The following UNC13B variants were observed in gnomAD, a reference collection of about 807,000 sequenced individuals.
UNC13B encodes the protein protein unc-13 homolog B.
UNC13B carries 144 observed loss-of-function variants against 211.0 expected under a neutral mutation model. That is an observed-to-expected ratio of 0.68 (90% CI 0.60 to 0.78). The LOEUF (loss-of-function observed/expected upper bound fraction) is 0.78. UNC13B is among the 30% of genes least tolerant of loss of function. The pLI, the probability that UNC13B is intolerant of heterozygous loss-of-function variation, is 0.00. For synonymous variants in UNC13B, 709 were observed against 725.8 expected (o/e 0.98, Z 0.37); for missense variants, 1,777 against 2,002.0 (o/e 0.89, Z 2.14).
intron 11 of UNC13B, among the ~76,000 whole-genome samples, chr9:35,357,578 G>GT (rs201402392): frequency 0.011 from 1,317 of 117,494 alleles, 8 homozygotes; most frequent in Middle Eastern, 0.018. Flanking sequence ...TTTTTTTATT[G>GT]TTTTTTTTTT....
intron 6 of UNC13B, among the ~76,000 whole-genome samples, chr9:35,249,108 A>G (rs949677870): frequency 2.6e-5 from 4 of 152,132 alleles, no homozygotes; most frequent in Admixed American, 2.6e-4. Flanking sequence ...CCCATTATGT[A>G]ATGGCCTTCT....
intron 1 of UNC13B, among the ~76,000 whole-genome samples, chr9:35,199,836 T>G (rs919740597): frequency 2.0e-5 from 3 of 152,020 alleles, no homozygotes; most frequent in African/African-American, 7.2e-5. Context: ...CAGAAGCTCT[T>G]TAGTTTAATT....
chr9:35,353,079 C>G, intron 11 of UNC13B: 2 of 1,232,198 alleles, frequency 1.6e-6, no homozygotes, highest in Non-Finnish European at 2.0e-6. Context: ...AGAAGGCTTG[C>G]AGCTCTGAGC....
chr9:35,315,234 T>A (rs1830392093), intron 11 of UNC13B, among the ~76,000 whole-genome samples: 1 of 151,964 alleles, frequency 6.6e-6, no homozygotes, highest in African/African-American at 2.4e-5. Flanking sequence ...AATAAACATA[T>A]GGGTGCAGGT....
chr9:35,386,244 A>C lies in UNC13B; in HGVS notation c.11045A>C (p.Glu3682Ala). 6.2e-7 allele frequency: 1 copy of C among 1,614,142 alleles called. No individual in the cohort carries two copies. ...AAGGCCTGTTTGAACTCCACATATG[A>C]ATATATCTTCAACAACTGCCACGAC... ...CVKACLNSTY[E>A]YIFNNCHDLY... The change falls in exon 24 of 40, where the codon GAA becomes GCA. Residue 3682 changes from glutamate (E) to alanine (A), a missense_variant. Physicochemically the swap from Glu to Ala is moderately radical, Grantham distance 107. Coordinates refer to ENST00000635942, the MANE Select transcript of UNC13B (RefSeq NM_001371189.2).
chr9:35,212,874 C>T (rs1027634973), intron 1 of UNC13B, among the ~76,000 whole-genome samples: 1 of 152,158 alleles, frequency 6.6e-6, no homozygotes. Flanking sequence ...AATAGCCTCC[C>T]ACCCCCTAAT....
intron 11 of UNC13B, among the ~76,000 whole-genome samples, chr9:35,354,755 A>C (rs1340035956): frequency 1.3e-5 from 2 of 152,216 alleles, no homozygotes; most frequent in African/African-American, 4.8e-5. Flanking sequence ...TTGTGTTGGC[A>C]AAGGTGTGAG....
At chr9:35,260,929 C>A (rs573241145) in intron 7 of UNC13B, among the ~76,000 whole-genome samples, 1 of 152,088 alleles carries the variant, frequency 6.6e-6, no homozygotes, top group Non-Finnish European at 1.5e-5. Flanking sequence ...GCGATTAAAG[C>A]GCAAATGCCA....
At position 35,403,627 on chromosome 9, in the gene UNC13B, TC is replaced by T. The variant is rs763030734; in HGVS notation, c.12737+29del. On this transcript the variant is annotated intron_variant, in intron 39 of 39. Coordinates refer to ENST00000635942, the MANE Select transcript of UNC13B (RefSeq NM_001371189.2). ...AAGTTACGGGGGGGACATACAGGACTCTGGGATGGGGGTAAGACTTGAGGGG... is the reference window on the plus strand; with the variant it reads ...AAGTTACGGGGGGGACATACAGGACTTGGGATGGGGGTAAGACTTGAGGGG... 2.3e-6 allele frequency: 3 copies of T among 1,276,806 alleles called. No individual in the cohort carries two copies. In the African/African-American group the frequency reaches 6.0e-5, roughly 26 times the overall value. The allele number at this position is 1,276,806 out of a possible 1,614,324, so 79.1% of individuals were successfully genotyped here.
chr9:35,378,243 G>C, intron 16 of UNC13B, 52 bp from the exon 17 acceptor site: 1 of 1,610,966 alleles, frequency 6.2e-7, no homozygotes, highest in East Asian at 2.2e-5. Flanking sequence ...GAGTAGTGTT[G>C]TGGGGGGCTT....
intron 13 of UNC13B, among the ~76,000 whole-genome samples, chr9:35,371,155 T>A (rs1378665520): frequency 6.6e-6 from 1 of 152,086 alleles, no homozygotes; most frequent in East Asian, 1.9e-4. Flanking sequence ...CTGTTTTCTT[T>A]TTTCTCTCTA....
intron 8 of UNC13B, among the ~76,000 whole-genome samples, chr9:35,297,953 TTAA>T (rs1829479092): frequency 6.6e-6 from 1 of 152,226 alleles, no homozygotes. Context: ...TCCTTTGTAA[TTAA>T]TAATATCTGG....
chr9:35,179,830 T>C (rs188064544), intron 1 of UNC13B, among the ~76,000 whole-genome samples: 135 of 152,290 alleles, frequency 8.9e-4, no homozygotes, highest in Middle Eastern at 3.4e-3. Context: ...GATGATACTT[T>C]AGTGGTTTTA....
intron 1 of UNC13B, among the ~76,000 whole-genome samples, chr9:35,169,641 C>T (rs761809633): frequency 3.9e-5 from 6 of 152,190 alleles, no homozygotes; most frequent in Non-Finnish European, 8.8e-5. Context: ...TAGAGCAGAG[C>T]TGTGGCTGTG....
At chr9:35,398,533 G>T (rs774672865) in intron 31 of UNC13B, 21 bp from the exon 32 acceptor site, 1 of 1,612,760 alleles carries the variant, frequency 6.2e-7, no homozygotes, top group African/African-American at 1.3e-5. Flanking sequence ...GCCTAGCCAG[G>T]CTTACCTCCT....
intron 11 of UNC13B, among the ~76,000 whole-genome samples, chr9:35,329,763 A>G (rs1178407247): frequency 1.3e-5 from 2 of 152,182 alleles, no homozygotes; most frequent in Non-Finnish European, 2.9e-5. Context: ...TGCTGGGATT[A>G]CACCACGCCT....
intron 7 of UNC13B, among the ~76,000 whole-genome samples, chr9:35,280,406 C>T (rs1382637212): frequency 6.6e-6 from 1 of 152,134 alleles, no homozygotes; most frequent in African/African-American, 2.4e-5. Flanking sequence ...TTCCTATTAC[C>T]TTATCCCATT....
chr9:35,224,788 A>G (rs183459771), intron 1 of UNC13B, among the ~76,000 whole-genome samples: 196 of 152,328 alleles, frequency 1.3e-3, no homozygotes, highest in East Asian at 9.8e-3. Context: ...TCAACAAAAT[A>G]CTAGCAAACC....
chr9:35,189,947 A>G (rs964223068), intron 1 of UNC13B, among the ~76,000 whole-genome samples: 36 of 152,302 alleles, frequency 2.4e-4, no homozygotes, highest in Middle Eastern at 3.4e-3. Context: ...CTGAGATTAC[A>G]GACGTGAGCC....
Sources: allele counts gnomAD v4.1 joint callset (sites outside exome capture counted in the v4.1 genomes callset), GRCh38; gene constraint gnomAD v4.1.1; transcripts MANE v1.5; gene names NCBI Gene and HGNC (gene_info 2026-07-23, HGNC 2026-07-21).